KCNIP1: variants seen among roughly 807,000 people sequenced by gnomAD.
The protein encoded by KCNIP1 is potassium voltage-gated channel interacting protein 1, also known as A-type potassium channel modulatory protein KCNIP1.
In KCNIP1, 18 loss-of-function variants were observed where a neutral mutation model predicts 33.0. That is an observed-to-expected ratio of 0.55 (90% confidence interval 0.38 to 0.81). The LOEUF (loss-of-function observed/expected upper bound fraction) is 0.81. Ranked by LOEUF, KCNIP1 falls within the 30% of genes least tolerant of loss-of-function variation. KCNIP1 has a pLI of 0.00. For synonymous variants in KCNIP1, 93 were observed against 98.3 expected (o/e 0.95, Z 0.32); for missense variants, 238 against 271.6 (o/e 0.88, Z 0.87).
At chr5:170,409,619 G>A (rs1186838163) in intron 1 of KCNIP1, among the ~76,000 whole-genome samples, 3 of 152,100 alleles carry the variant, frequency 2.0e-5, no homozygotes, top group South Asian at 2.1e-4. Context: ...CTTATGGCCC[G>A]TTCCAGAGCT....
intron 1 of KCNIP1, among the ~76,000 whole-genome samples, chr5:170,357,256 AT>A (rs1763373664): frequency 6.6e-6 from 1 of 152,122 alleles, no homozygotes; most frequent in Non-Finnish European, 1.5e-5. Context: ...CCTCCCTGGC[AT>A]TTAGTTTCCT....
intron 1 of KCNIP1, among the ~76,000 whole-genome samples, chr5:170,694,025 C>A (rs1405895923): frequency 6.6e-6 from 1 of 152,166 alleles, no homozygotes; most frequent in East Asian, 1.9e-4. Context: ...CTTGGCCTGG[C>A]CCCTCCGGGA....
chr5:170,428,061 C>T (rs576991257), intron 1 of KCNIP1, among the ~76,000 whole-genome samples: 1 of 152,226 alleles, frequency 6.6e-6, no homozygotes, highest in Non-Finnish European at 1.5e-5. Flanking sequence ...TCAACTATTC[C>T]CTGCCCACCT....
chr5:170,720,489 C>A lies in KCNIP1; in HGVS notation c.256+99C>A. Reference sequence around the variant, plus strand: ...TCTTCCTTGCCATTTGCTTCCTTCTCGAGGAAGAGACAAACTCAGGGCAGG... The same window carrying A: ...TCTTCCTTGCCATTTGCTTCCTTCTAGAGGAAGAGACAAACTCAGGGCAGG... On this transcript the variant is annotated intron_variant, in intron 3 of 7. Transcript: ENST00000328939. 3 of 947,374 alleles carry A rather than the reference C, an allele frequency of 3.2e-6. 1 individual carries two copies. The highest frequency in any genetic ancestry group is 2.5e-5 in the East Asian group (1 of 40,034). 58.7% of individuals were successfully genotyped at this position (947,374 alleles called of 1,614,324 possible). A position where few individuals can be genotyped will look rare whatever the true frequency, so the allele number is the denominator to read the frequency against.
chr5:170,575,057 G>A (rs1292919598), intron 1 of KCNIP1, among the ~76,000 whole-genome samples: 1 of 152,056 alleles, frequency 6.6e-6, no homozygotes, highest in African/African-American at 2.4e-5. Flanking sequence ...AGGCAGTAGA[G>A]GCAGGGTGAA....
Position 170,736,611 on chromosome 5 carries a change from G to A in KCNIP1, c.*805G>A, listed in dbSNP as rs1281246078. The stretch of plus-strand genomic sequence containing the variant: ...TATACCATGTTCTAACCAATAAACA[G>A]AACTATTTCTTACACTCTCAATCAC... On this transcript the variant is annotated 3_prime_UTR_variant, in exon 8 of 8. Transcript: ENST00000328939. The A allele has an allele frequency of 1.3e-5, 2 of 152,164 alleles. No homozygotes were observed. Among genetic ancestry groups the A allele is most frequent in the Non-Finnish European group, 2.9e-5 (2 of 68,034 alleles). 9.4% of individuals were successfully genotyped at this position (152,164 alleles called of 1,614,324 possible).
intron 1 of KCNIP1, among the ~76,000 whole-genome samples, chr5:170,488,599 G>A (rs1264003728): frequency 6.6e-6 from 1 of 152,248 alleles, no homozygotes; most frequent in East Asian, 1.9e-4. Context: ...ACAAAGCCCA[G>A]TGCTCCCAGC....
Position 170,436,523 on chromosome 5 carries a change from G to T in KCNIP1, c.88+82559G>T, listed in dbSNP as rs114616702. Reference sequence around the variant, plus strand: ...ACTGGAATCCCCAGGAGGGAACACGGAAACCCCGAGAGCTGGCTCCGCCCC... The same window carrying T: ...ACTGGAATCCCCAGGAGGGAACACGTAAACCCCGAGAGCTGGCTCCGCCCC... On this transcript the variant is annotated intron_variant, in intron 1 of 7. Coordinates refer to the KCNIP1 transcript ENST00000377360. 9.3e-3 allele frequency among the ~76,000 whole-genome samples: 1,424 copies of T among 152,346 alleles called. 31 individuals are homozygous for T. Among genetic ancestry groups the T allele is most frequent in the African/African-American group, 0.03 (1,264 of 41,566 alleles).
At chr5:170,570,005 G>A (rs1561692332) in intron 1 of KCNIP1, among the ~76,000 whole-genome samples, 1 of 152,168 alleles carries the variant, frequency 6.6e-6, no homozygotes, top group Non-Finnish European at 1.5e-5. Flanking sequence ...CATGGATGGG[G>A]ATAGGAGAGC....
intron 1 of KCNIP1, among the ~76,000 whole-genome samples, chr5:170,554,363 C>G (rs995147981): frequency 3.9e-5 from 6 of 152,180 alleles, no homozygotes; most frequent in Middle Eastern, 3.4e-3. Flanking sequence ...GAGACTTGCT[C>G]GATGTTTATT....
chr5:170,557,772 G>A (rs1756891564), intron 1 of KCNIP1, among the ~76,000 whole-genome samples: 1 of 152,090 alleles, frequency 6.6e-6, no homozygotes, highest in East Asian at 1.9e-4. Flanking sequence ...GGAGAAGATG[G>A]GTAGGAATGA....
At chr5:170,595,646 C>T (rs889914933) in intron 1 of KCNIP1, among the ~76,000 whole-genome samples, 1 of 152,212 alleles carries the variant, frequency 6.6e-6, no homozygotes, top group Non-Finnish European at 1.5e-5. Flanking sequence ...CTATTGATCA[C>T]CTGTGTTAGC....
intron 1 of KCNIP1, among the ~76,000 whole-genome samples, chr5:170,450,600 C>T (rs554073322): frequency 3.7e-4 from 57 of 152,312 alleles, no homozygotes; most frequent in Admixed American, 1.5e-3. Flanking sequence ...GCCTGCTATC[C>T]ACCCACACCC....
chr5:170,673,463 C>G (rs1369393373), intron 1 of KCNIP1, among the ~76,000 whole-genome samples: 1 of 152,230 alleles, frequency 6.6e-6, no homozygotes, highest in Non-Finnish European at 1.5e-5. Flanking sequence ...ACCATGGTTC[C>G]TGTTTCACAG....
chr5:170,475,808 C>G (rs1242914842), intron 1 of KCNIP1, among the ~76,000 whole-genome samples: 2 of 151,974 alleles, frequency 1.3e-5, no homozygotes, highest in African/African-American at 2.4e-5. Context: ...TTCAGGAATC[C>G]ACCCCCTGCC....
At chr5:170,392,685 C>T (rs1217818940) in intron 1 of KCNIP1, among the ~76,000 whole-genome samples, 1 of 152,078 alleles carries the variant, frequency 6.6e-6, no homozygotes, top group Non-Finnish European at 1.5e-5. Flanking sequence ...TAGCTGGGCA[C>T]GATGGCAGGT....
In KCNIP1 at chr5:170,630,996, A is replaced by G. The variant is rs1322037452; in HGVS notation, c.62-87762A>G. 2.0e-5 allele frequency among the ~76,000 whole-genome samples: 3 copies of G among 152,306 alleles called. No individual in the cohort carries two copies. In the East Asian group the frequency reaches 5.8e-4, roughly 29 times the overall value. On this transcript the variant is annotated intron_variant, in intron 1 of 7. Coordinates refer to ENST00000328939, the MANE Select transcript of KCNIP1 (RefSeq NM_014592.4). ...GGGACAGTGGAGGGAACACTAGGTT[A>G]GGAATAAGGGTACGAGGCTTGAGTA...
chr5:170,673,653 T>C (rs1762008457), intron 1 of KCNIP1, among the ~76,000 whole-genome samples: 1 of 152,202 alleles, frequency 6.6e-6, no homozygotes, highest in Non-Finnish European at 1.5e-5. Flanking sequence ...TAAGGTATAG[T>C]TCCTGGTATG....
chr5:170,451,722 ATTGTGT>A (rs961571738), intron 1 of KCNIP1, among the ~76,000 whole-genome samples: 5 of 77,300 alleles, frequency 6.5e-5, no homozygotes, highest in Admixed American at 1.1e-4. Context: ...CTTCTCCTGC[ATTGTGT>A]GTGTGTGTGT....
Sources: allele counts gnomAD v4.1 joint callset (sites outside exome capture counted in the v4.1 genomes callset), GRCh38; gene constraint gnomAD v4.1.1; transcripts MANE v1.5; gene names NCBI Gene and HGNC (gene_info 2026-07-23, HGNC 2026-07-21).